NPAS2: variants seen among roughly 807,000 people sequenced by gnomAD.
The protein encoded by NPAS2 is neuronal PAS domain-containing protein 2.
Under a neutral mutation model 107.5 loss-of-function variants are expected in NPAS2, and 23 were observed. That is an observed-to-expected ratio of 0.21 (90% confidence interval 0.15 to 0.30). The LOEUF (loss-of-function observed/expected upper bound fraction) is 0.30. NPAS2 is among the 10% of genes least tolerant of loss of function. The pLI, the probability that NPAS2 is intolerant of heterozygous loss-of-function variation, is 1.00. For missense variants in NPAS2, 756 were observed against 1,043.3 expected, an observed-to-expected ratio of 0.72 and a Z score of 3.79; for synonymous variants, 403 against 417.5, an observed-to-expected ratio of 0.97 and a Z score of 0.42.
intron 2 of NPAS2, among the ~76,000 whole-genome samples, chr2:100,922,694 T>C (rs1184193336): frequency 6.6e-6 from 1 of 152,144 alleles, no homozygotes; most frequent in Non-Finnish European, 1.5e-5. Flanking sequence ...GACCTTCTTT[T>C]TGGAAATAAG....
chr2:100,976,018 C>CCAG lies in NPAS2; in HGVS notation c.1392+451_1392+452insCAG, dbSNP rs1676976568. ...TTCCAGAACATCGGGATGTATGGCC[C>CCAG]TGGCTATATGTAAAGTCACTGGCAT... is the stretch of plus-strand genomic sequence containing the variant. On this transcript the variant is annotated intron_variant, in intron 14 of 20. Transcript: ENST00000335681. This position sits in a 1 kb window ranked among gnomAD's most constrained non-coding sequence, Gnocchi z 4.1. Among the ~76,000 whole-genome samples the CCAG allele has an allele frequency of 1.3e-5, 2 of 152,186 alleles. No homozygotes were observed. The highest frequency in any genetic ancestry group is 4.8e-5 in the African/African-American group (2 of 41,436).
At chr2:100,922,629 T>C (rs949426320) in intron 2 of NPAS2, among the ~76,000 whole-genome samples, 2 of 152,058 alleles carry the variant, frequency 1.3e-5, no homozygotes, top group African/African-American at 4.8e-5. Context: ...TTGGAGTGTC[T>C]TTCAAAACCT....
intron 1 of NPAS2, among the ~76,000 whole-genome samples, chr2:100,873,270 AAAT>A (rs1470786594): frequency 7.7e-4 from 48 of 62,000 alleles, no homozygotes; most frequent in African/African-American, 3.8e-3. Flanking sequence ...AAAAAAAAAA[AAAT>A]ACATATATAT....
intron 2 of NPAS2, among the ~76,000 whole-genome samples, chr2:100,921,774 C>T (rs1288761771): frequency 6.6e-6 from 1 of 152,190 alleles, no homozygotes; most frequent in African/African-American, 2.4e-5. Flanking sequence ...GCAGCCGTGT[C>T]TTATCAGGTT....
intron 7 of NPAS2, among the ~76,000 whole-genome samples, chr2:100,960,291 G>A (rs962718151): frequency 4.6e-5 from 7 of 152,006 alleles, no homozygotes; most frequent in Non-Finnish European, 8.8e-5. Flanking sequence ...GGCCGGGCAC[G>A]GTGGCTCACG....
chr2:100,923,652 G>C (rs1190323398), intron 2 of NPAS2, among the ~76,000 whole-genome samples: 2 of 152,130 alleles, frequency 1.3e-5, no homozygotes, highest in Non-Finnish European at 2.9e-5. Context: ...CGGGCCCAAG[G>C]TGCCTGGAAA....
upstream of NPAS2, among the ~76,000 whole-genome samples, chr2:100,819,812 G>A (rs1293591549): frequency 2.6e-5 from 4 of 151,600 alleles, no homozygotes; most frequent in Non-Finnish European, 5.9e-5. The surrounding 1 kb of genome is among the most constrained non-coding windows in gnomAD (Gnocchi z 5.8). Context: ...CCCCAGCCCC[G>A]GCGCCCAACC....
At chr2:100,979,096 G>T (rs773383672) in intron 15 of NPAS2, among the ~76,000 whole-genome samples, 9 of 152,212 alleles carry the variant, frequency 5.9e-5, no homozygotes, top group Non-Finnish European at 8.8e-5. Context: ...TGCCCTCTTA[G>T]TGGGGGTCTC....
intron 4 of NPAS2, among the ~76,000 whole-genome samples, chr2:100,933,581 C>T (rs1004902110): frequency 1.2e-4 from 18 of 152,124 alleles, no homozygotes; most frequent in Admixed American, 1.3e-4. Context: ...GTCAGAGGCC[C>T]CATACTCATC....
intron 1 of NPAS2, chr2:100,821,293 C>T: frequency 9.1e-7 from 1 of 1,093,280 alleles, no homozygotes. Context: ...TACGCACGCA[C>T]TTCCACAAAG....
At chr2:100,898,870 A>G (rs1323823474) in intron 1 of NPAS2, among the ~76,000 whole-genome samples, 1 of 152,012 alleles carries the variant, frequency 6.6e-6, no homozygotes, top group African/African-American at 2.4e-5. Flanking sequence ...ACCTCTTATG[A>G]GTGAGTTTAT....
At chr2:100,918,208 A>G (rs1446492186) in intron 2 of NPAS2, among the ~76,000 whole-genome samples, 1 of 152,084 alleles carries the variant, frequency 6.6e-6, no homozygotes, top group Non-Finnish European at 1.5e-5. Flanking sequence ...ATGCAGAAAA[A>G]GACTTTGGCA....
At chr2:100,871,263 G>A (rs369853211) in intron 1 of NPAS2, among the ~76,000 whole-genome samples, 11 of 151,634 alleles carry the variant, frequency 7.3e-5, no homozygotes, top group African/African-American at 2.7e-4. Context: ...ACTTTGCAAA[G>A]AGTTTTTCAG....
At chr2:100,896,276 A>T (rs1232085193) in intron 1 of NPAS2, among the ~76,000 whole-genome samples, 1 of 152,138 alleles carries the variant, frequency 6.6e-6, no homozygotes, top group Non-Finnish European at 1.5e-5. Context: ...AGTAGGTTGG[A>T]ATGGAGATTT....
intron 5 of NPAS2, among the ~76,000 whole-genome samples, chr2:100,947,344 A>G (rs922489010): frequency 6.6e-6 from 1 of 152,162 alleles, no homozygotes; most frequent in African/African-American, 2.4e-5. Context: ...TGAGGTCAGG[A>G]GTTCAAGACC....
At chr2:100,923,450 G>A (rs990049379) in intron 2 of NPAS2, among the ~76,000 whole-genome samples, 9 of 152,194 alleles carry the variant, frequency 5.9e-5, no homozygotes, top group Admixed American at 5.2e-4. Flanking sequence ...TATGGTCCTC[G>A]TGATGTCTAG....
chr2:100,835,201 C>T (rs542519109), intron 1 of NPAS2, among the ~76,000 whole-genome samples: 5 of 152,256 alleles, frequency 3.3e-5, no homozygotes, highest in African/African-American at 9.6e-5. Context: ...GCCACCGGGG[C>T]GCAGATAAGT....
chr2:100,944,718 C>T (rs574364315), intron 5 of NPAS2, among the ~76,000 whole-genome samples: 1 of 152,260 alleles, frequency 6.6e-6, no homozygotes, highest in East Asian at 1.9e-4. Flanking sequence ...CAGTCTGGGG[C>T]CCTTTCTGTG....
At chr2:100,982,118 G>A in intron 15 of NPAS2, 113 bp from the exon 16 acceptor site, 1 of 1,312,282 alleles carries the variant, frequency 7.6e-7, no homozygotes, top group Admixed American at 2.0e-5. Flanking sequence ...GGGATGCTGG[G>A]AAAGACGGCT....
Sources: allele counts gnomAD v4.1 joint callset (sites outside exome capture counted in the v4.1 genomes callset), GRCh38; gene constraint gnomAD v4.1.1; non-coding constraint Gnocchi (gnomAD v3.1); transcripts MANE v1.5; gene names NCBI Gene and HGNC (gene_info 2026-07-23, HGNC 2026-07-21).